RGS6: variants seen among roughly 807,000 people sequenced by gnomAD.
RGS6 encodes the protein regulator of G protein signaling 6.
In RGS6, 30 loss-of-function variants were observed where a neutral mutation model predicts 78.5. The observed-to-expected ratio is 0.38, with a 90% CI of 0.29 to 0.52. RGS6 has a LOEUF of 0.52. Ranked by LOEUF, RGS6 falls within the 20% of genes least tolerant of loss-of-function variation. RGS6 has a pLI of 0.85. For missense variants in RGS6, 495 were observed against 609.7 expected, an observed-to-expected ratio of 0.81 and a Z score of 1.98; for synonymous variants, 206 against 206.0, an observed-to-expected ratio of 1.00 and a Z score of 0.00.
rs558503178 is a variant in RGS6, at chr14:71,998,234, C to T, written c.84+33359C>T. ...TGCATTATTTTGAGTTTCTGATTAG[C>T]CTTTCCAAAAGAGGCAATCAGATAT... On this transcript the variant is annotated intron_variant, in intron 2 of 17. Coordinates refer to ENST00000553525, the MANE Select transcript of RGS6 (RefSeq NM_001204424.2). Among the ~76,000 whole-genome samples, 8 of 152,304 alleles carry T rather than the reference C, an allele frequency of 5.3e-5. No individual in the cohort carries two copies. The East Asian group carries it at 1.5e-3, about 29-fold the overall frequency.
chr14:72,030,374 G>A (rs1329440329), intron 2 of RGS6, among the ~76,000 whole-genome samples: 1 of 152,032 alleles, frequency 6.6e-6, no homozygotes, highest in Non-Finnish European at 1.5e-5. Context: ...AAAAGATAAG[G>A]AAATAAAAGT....
At chr14:72,559,383 C>T (rs2153549708) in intron 17 of RGS6, among the ~76,000 whole-genome samples, 1 of 152,336 alleles carries the variant, frequency 6.6e-6, no homozygotes, top group African/African-American at 2.4e-5. Flanking sequence ...AGTATTTCTT[C>T]CCCAAAGCCC....
At chr14:72,170,556 G>A (rs1192620199) in intron 2 of RGS6, among the ~76,000 whole-genome samples, 3 of 152,260 alleles carry the variant, frequency 2.0e-5, no homozygotes, top group South Asian at 4.1e-4. Flanking sequence ...AGATAAGCAT[G>A]TACGTTTTCA....
At chr14:72,089,052 A>G (rs1293189679) in intron 2 of RGS6, among the ~76,000 whole-genome samples, 29 of 152,226 alleles carry the variant, frequency 1.9e-4, no homozygotes, top group Admixed American at 1.9e-3. Flanking sequence ...CACTGCATTT[A>G]CCATTCTCTG....
chr14:71,959,004 TA>T (rs2093000760), intron 1 of RGS6, among the ~76,000 whole-genome samples: 5 of 152,234 alleles, frequency 3.3e-5, no homozygotes, highest in Admixed American at 2.6e-4. Flanking sequence ...CCCAGTAAAA[TA>T]CTGGGTGTCT....
At chr14:72,350,604 C>T (rs1051315148) in intron 2 of RGS6, among the ~76,000 whole-genome samples, 3 of 152,128 alleles carry the variant, frequency 2.0e-5, no homozygotes, top group African/African-American at 7.2e-5. Context: ...CTCTCTTGTC[C>T]CCCTGGCACA....
intron 17 of RGS6, chr14:72,550,411 T>C (rs2097487388): frequency 6.7e-7 from 1 of 1,493,714 alleles, no homozygotes; most frequent in Non-Finnish European, 9.0e-7. Context: ...GCTTTTTTTG[T>C]TTGCACTAAG....
At position 72,081,887 on chromosome 14, in the gene RGS6, A is replaced by G. The variant is rs189268621; in HGVS notation, c.84+117012A>G. On this transcript the variant is annotated intron_variant, in intron 2 of 17. Coordinates refer to ENST00000553525, the MANE Select transcript of RGS6 (RefSeq NM_001204424.2). ...ACTTTTTTTTTCCTAAAAAATGTAG[A>G]AAGTACAGAAAATAATGCGGAAAGT... Among the ~76,000 whole-genome samples, 812 of 152,192 alleles carry G rather than the reference A, an allele frequency of 5.3e-3. 6 individuals are homozygous for G. Among genetic ancestry groups the G allele is most frequent in the Non-Finnish European group, 6.9e-3 (467 of 67,948 alleles).
chr14:72,364,311 A>G (rs1486163414), intron 3 of RGS6, among the ~76,000 whole-genome samples: 1 of 152,190 alleles, frequency 6.6e-6, no homozygotes, highest in Non-Finnish European at 1.5e-5. Context: ...AATTACATAG[A>G]GAAAAAACCC....
chr14:72,399,621 A>G (rs989790315), intron 3 of RGS6, among the ~76,000 whole-genome samples: 7 of 152,190 alleles, frequency 4.6e-5, no homozygotes, highest in Admixed American at 1.3e-4. Flanking sequence ...GTTTCTTCCT[A>G]GCATCAATGG....
intron 2 of RGS6, among the ~76,000 whole-genome samples, chr14:72,000,169 A>G (rs2083163103): frequency 2.0e-5 from 3 of 152,200 alleles, no homozygotes; most frequent in Admixed American, 2.0e-4. Flanking sequence ...GTTCTACAGA[A>G]TTTTGTGTAA....
In RGS6 at chr14:72,540,652, C is replaced by A. The variant is rs745826365; in HGVS notation, c.1422+558C>A. 18 of 1,407,616 alleles carry A rather than the reference C, an allele frequency of 1.3e-5. No homozygotes were observed. In the Admixed American group the frequency reaches 3.3e-4, roughly 26 times the overall value. 87.2% of individuals were successfully genotyped at this position (1,407,616 alleles called of 1,614,324 possible). A position where few individuals can be genotyped will look rare whatever the true frequency, so the allele number is the denominator to read the frequency against. On this transcript the variant is annotated intron_variant, in intron 17 of 17. Transcript: ENST00000553525. The stretch of plus-strand genomic sequence containing the variant: ...TGGCCTAGCTGGCGTGTGTGTTAGT[C>A]GCCTCTGCATGAGTCCCTTCCAGCC...
chr14:72,526,520 A>G lies in RGS6; in HGVS notation c.1278+7983A>G, dbSNP rs367788871. Among the ~76,000 whole-genome samples, 4 of 146,722 alleles carry G rather than the reference A, an allele frequency of 2.7e-5. No homozygotes were observed. In the East Asian group the frequency reaches 7.7e-4, roughly 28 times the overall value. ...AGTAGGGATTGAACAGCATGAAAAT[A>G]CTGTGCCCTTTGGCCAGTTAAATTA... On this transcript the variant is annotated intron_variant, in intron 15 of 17. Transcript: ENST00000553525.
intron 2 of RGS6, among the ~76,000 whole-genome samples, chr14:72,084,227 T>C (rs1046838073): frequency 1.3e-5 from 2 of 152,184 alleles, no homozygotes; most frequent in Non-Finnish European, 2.9e-5. Context: ...CCTAGATCCC[T>C]TGCATGTGCA....
At chr14:72,117,435 C>A (rs546702145) in intron 2 of RGS6, among the ~76,000 whole-genome samples, 9 of 152,168 alleles carry the variant, frequency 5.9e-5, no homozygotes, top group Middle Eastern at 3.4e-3. Context: ...TGGCTCCCCC[C>A]CACCCTTCAC....
intron 2 of RGS6, among the ~76,000 whole-genome samples, chr14:72,233,465 A>T (rs1448405452): frequency 6.6e-6 from 1 of 152,218 alleles, no homozygotes. Context: ...TGGGACTTAT[A>T]GATGGCTTAT....
the RGS6 span, among the ~76,000 whole-genome samples, chr14:71,878,667 G>A: frequency 6.4e-4 from 98 of 152,164 alleles, no homozygotes; most frequent in Non-Finnish European, 2.1e-4. Flanking sequence ...TTTGGCTTAT[G>A]GTCTGCAGGC....
chr14:71,924,816 C>A, the RGS6 span, among the ~76,000 whole-genome samples: 1 of 152,152 alleles, frequency 6.6e-6, no homozygotes, highest in Non-Finnish European at 1.5e-5. Flanking sequence ...TTTATCCATT[C>A]ATCCACTGAT....
chr14:72,236,433 C>T (rs978564004), intron 2 of RGS6, among the ~76,000 whole-genome samples: 2 of 152,190 alleles, frequency 1.3e-5, no homozygotes, highest in East Asian at 1.9e-4. Context: ...GCAACATAAG[C>T]ACATTTTAAG....
Sources: allele counts gnomAD v4.1 joint callset (sites outside exome capture counted in the v4.1 genomes callset), GRCh38; gene constraint gnomAD v4.1.1; transcripts MANE v1.5; gene names NCBI Gene and HGNC (gene_info 2026-07-23, HGNC 2026-07-21).